Variants in ACTR3 observed in about 807,000 individuals in gnomAD.
ACTR3 encodes the protein actin related protein 3.
A neutral mutation model predicts 56.8 loss-of-function variants in ACTR3; 12 were observed. The ratio of observed to expected loss-of-function variants is 0.21; its 90% confidence interval spans 0.14 to 0.34. ACTR3 has a LOEUF of 0.34. Ranked by LOEUF, ACTR3 falls within the 10% of genes least tolerant of loss-of-function variation. ACTR3 has a pLI of 1.00. For missense variants in ACTR3, 282 were observed against 512.5 expected, an observed-to-expected ratio of 0.55 and a Z score of 4.34; for synonymous variants, 162 against 167.4, an observed-to-expected ratio of 0.97 and a Z score of 0.25.
intron 6 of ACTR3, among the ~76,000 whole-genome samples, chr2:113,938,093 C>G (rs1679860529): frequency 6.6e-6 from 1 of 151,534 alleles, no homozygotes; most frequent in South Asian, 2.1e-4. Flanking sequence ...ACTATTTTTT[C>G]TTCACTGTGT....
intron 1 of ACTR3, among the ~76,000 whole-genome samples, chr2:113,895,128 A>G (rs1196810439): frequency 7.8e-6 from 1 of 127,868 alleles, no homozygotes; most frequent in Non-Finnish European, 1.5e-5. Context: ...CTTAAATTTA[A>G]TCTCTAGAAA....
chr2:113,948,058 G>GTAACCACTTC (rs1387882726), intron 8 of ACTR3, among the ~76,000 whole-genome samples: 4 of 152,088 alleles, frequency 2.6e-5, no homozygotes, highest in African/African-American at 9.7e-5. Flanking sequence ...ATTTCTAGAG[G>GTAACCACTTC]TAACCACTTC....
chr2:113,956,281 T>G (rs1480192441), intron 11 of ACTR3, among the ~76,000 whole-genome samples: 1 of 151,854 alleles, frequency 6.6e-6, no homozygotes, highest in Non-Finnish European at 1.5e-5. Flanking sequence ...TCCTTTAAAT[T>G]GTATCTCAAA....
chr2:113,907,789 A>G (rs1006311783), intron 1 of ACTR3, among the ~76,000 whole-genome samples: 23 of 151,990 alleles, frequency 1.5e-4, no homozygotes, highest in Non-Finnish European at 8.8e-5. Context: ...CCTGACCAAC[A>G]TGGAGAAACC....
chr2:113,897,965 G>T (rs1340070322), intron 1 of ACTR3, among the ~76,000 whole-genome samples: 1 of 152,148 alleles, frequency 6.6e-6, no homozygotes, highest in Non-Finnish European at 1.5e-5. Context: ...AAAATGCAAT[G>T]CTCTTGGGAA....
intron 1 of ACTR3, among the ~76,000 whole-genome samples, chr2:113,910,657 A>G (rs1381775182): frequency 6.6e-6 from 1 of 152,118 alleles, no homozygotes. Context: ...TGCAGAATTG[A>G]TTGCTTTTTT....
At chr2:113,946,061 T>C (rs1296957489) in intron 8 of ACTR3, among the ~76,000 whole-genome samples, 1 of 152,188 alleles carries the variant, frequency 6.6e-6, no homozygotes, top group East Asian at 1.9e-4. Context: ...GCATTTAGGT[T>C]GATTCCATGT....
intron 4 of ACTR3, among the ~76,000 whole-genome samples, chr2:113,928,772 A>C (rs947084957): frequency 5.3e-5 from 8 of 152,162 alleles, no homozygotes; most frequent in Non-Finnish European, 1.0e-4. Flanking sequence ...TGATTTGTCC[A>C]ATCTTTGTCA....
At chr2:113,939,921 A>G in intron 6 of ACTR3, 38 bp from the exon 7 acceptor site, 1 of 1,537,774 alleles carries the variant, frequency 6.5e-7, no homozygotes. Context: ...TTTTCAAAAC[A>G]TTGAAAGTAA....
chr2:113,927,211 T>A (rs1245767027), intron 3 of ACTR3, 134 bp from the exon 4 acceptor site: 3 of 491,966 alleles, frequency 6.1e-6, no homozygotes, highest in African/African-American at 5.9e-5. Flanking sequence ...CTTTTAAGGA[T>A]GTTCTATAGT....
chr2:113,901,250 C>T (rs545018189), intron 1 of ACTR3, among the ~76,000 whole-genome samples: 5 of 152,278 alleles, frequency 3.3e-5, no homozygotes, highest in African/African-American at 9.6e-5. Context: ...TCCAGCTACT[C>T]GGGAGGCTGA....
intron 5 of ACTR3, 36 bp from the exon 6 acceptor site, chr2:113,934,243 T>G (rs780433989): frequency 2.9e-6 from 4 of 1,381,030 alleles, no homozygotes; most frequent in South Asian, 2.6e-5. Flanking sequence ...TTTTTTTTTT[T>G]TGTTTTTTTG....
chr2:113,955,789 C>A (rs149313795), intron 11 of ACTR3, 83 bp downstream of exon 11: 23,536 of 1,156,368 alleles, frequency 0.02, 332 homozygotes, highest in Middle Eastern at 0.034. Flanking sequence ...CTCTTGTCAC[C>A]CAGGCTGGAG....
chr2:113,955,541 T>C, intron 10 of ACTR3, 82 bp from the exon 11 acceptor site: 1 of 989,534 alleles, frequency 1.0e-6, no homozygotes, highest in South Asian at 1.5e-5. Context: ...ATTATTTTTG[T>C]ATATGTACAT....
chr2:113,925,986 A>G (rs1679613108), intron 3 of ACTR3, among the ~76,000 whole-genome samples: 1 of 152,194 alleles, frequency 6.6e-6, no homozygotes, highest in Admixed American at 6.6e-5. Context: ...ATCGAAAGAA[A>G]TGTCTGATAG....
intron 3 of ACTR3, among the ~76,000 whole-genome samples, chr2:113,921,482 C>T (rs1158574910): frequency 6.6e-6 from 1 of 151,994 alleles, no homozygotes; most frequent in Non-Finnish European, 1.5e-5. Context: ...AATATAATCC[C>T]ATTTGTCTAT....
intron 1 of ACTR3, among the ~76,000 whole-genome samples, chr2:113,908,777 A>G (rs1473085748): frequency 2.0e-5 from 3 of 152,074 alleles, no homozygotes; most frequent in Admixed American, 1.3e-4. Flanking sequence ...GTCATTCAGC[A>G]CTTTACTCCC....
intron 1 of ACTR3, among the ~76,000 whole-genome samples, chr2:113,894,600 TTG>T (rs148563182): frequency 0.082 from 12,511 of 152,242 alleles, 563 homozygotes; most frequent in East Asian, 0.18. Context: ...CCTGCCAATT[TTG>T]TGTTGAAATA....
chr2:113,921,286 T>C (rs1679502475), intron 3 of ACTR3, among the ~76,000 whole-genome samples: 1 of 152,094 alleles, frequency 6.6e-6, no homozygotes. Context: ...GAAATGTCTA[T>C]TTAGATTATT....
Sources: gnomAD v4.1 joint callset for allele counts (sites outside exome capture counted in the v4.1 genomes callset) on GRCh38, gnomAD v4.1.1 for gene constraint, MANE v1.5 for transcripts, NCBI Gene and HGNC (gene_info 2026-07-23, HGNC 2026-07-21) for gene names.